The following ADPGK variants were observed in gnomAD, a reference collection of about 807,000 sequenced individuals.
ADPGK encodes the protein ADP dependent glucokinase, also known as ADP-dependent glucokinase.
In ADPGK, 26 loss-of-function variants were observed where a neutral mutation model predicts 42.4. That is an observed-to-expected ratio of 0.61 (90% CI 0.45 to 0.85). The LOEUF (loss-of-function observed/expected upper bound fraction) is 0.85, where lower values mean the gene tolerates loss of function less well. Ranked by LOEUF, ADPGK falls within the 40% of genes least tolerant of loss-of-function variation. ADPGK has a pLI of 0.00. For missense variants in ADPGK, 571 were observed against 627.0 expected, an observed-to-expected ratio of 0.91 and a Z score of 0.95; for synonymous variants, 267 against 252.6, an observed-to-expected ratio of 1.06 and a Z score of -0.54.
intron 2 of ADPGK, 61 bp from the exon 3 acceptor site, chr15:72,771,906 A>G (rs1318033812): frequency 1.5e-5 from 20 of 1,323,422 alleles, no homozygotes; most frequent in Non-Finnish European, 2.0e-5. Context: ...CCCAAGTTTA[A>G]TCATTTTTTA....
In ADPGK at chr15:72,752,551, C is replaced by G. The variant is rs1440808761; in HGVS notation, c.1284G>C (p.Arg428Ser). 4 of 1,614,058 alleles carry G rather than the reference C, an allele frequency of 2.5e-6. No homozygotes were observed. Among genetic ancestry groups the G allele is most frequent in the Non-Finnish European group, 3.4e-6 (4 of 1,180,040 alleles). ...ETIDTSRVSL[R>S]APQEFMTSHS... ...GGGAAGTCATGAACTCTTGGGGTGC[C>G]CTCAGAGACACTCGGCTGGTGTCTA... is the stretch of plus-strand genomic sequence containing the variant. The change falls in exon 7 of 7, where the codon AGG becomes AGC. Residue 428 changes from arginine (R) to serine (S), a missense_variant. This residue lies in a region of ADPGK where 434 missense variants were observed against 522.7 expected (regional missense o/e 0.83). Coordinates refer to ENST00000456471, the MANE Select transcript of ADPGK (RefSeq NM_001365225.1).
At chr15:72,762,898 CACTTGAA>C (rs2066212427) in intron 3 of ADPGK, among the ~76,000 whole-genome samples, 1 of 152,074 alleles carries the variant, frequency 6.6e-6, no homozygotes, top group Non-Finnish European at 1.5e-5. Flanking sequence ...GCAGGAGAAT[CACTTGAA>C]CCTGGGAGGT....
rs1167325195 is a variant in ADPGK at position 72,752,786 on chromosome 15, G to C, written c.1049C>G (p.Pro350Arg). ...HSSLSSWNGV[P>R]DVGMVSDILF... ...GATGTCACTGACCATGCCCACATCA[G>C]GAACACCGTTCCAGGAAGAGAGAGA... The change falls in exon 7 of 7, where the codon CCT (proline) becomes CGT (arginine). Residue 350 changes from proline to arginine, a missense_variant. By Grantham distance (103) the Pro-to-Arg change is moderately radical (BLOSUM62 -2). Coordinates refer to ENST00000456471, the MANE Select transcript of ADPGK (RefSeq NM_001365225.1). 1 of 1,614,206 alleles carries C rather than the reference G, an allele frequency of 6.2e-7. No homozygotes were observed. Among genetic ancestry groups the C allele is most frequent in the Non-Finnish European group, 8.5e-7 (1 of 1,180,048 alleles).
At chr15:72,755,016 TA>T (rs2066093861) in intron 6 of ADPGK, among the ~76,000 whole-genome samples, 1 of 152,192 alleles carries the variant, frequency 6.6e-6, no homozygotes, top group Non-Finnish European at 1.5e-5. Flanking sequence ...TATTACCAAT[TA>T]AAATTAGGTA....
intron 3 of ADPGK, among the ~76,000 whole-genome samples, chr15:72,769,415 G>A (rs763522531): frequency 4.5e-4 from 68 of 152,174 alleles, no homozygotes; most frequent in African/African-American, 1.4e-3. Context: ...GCGCAATCTC[G>A]GCTCACTGCA....
chr15:72,765,421 A>G (rs1262682202), intron 3 of ADPGK, among the ~76,000 whole-genome samples: 1 of 152,240 alleles, frequency 6.6e-6, no homozygotes. Context: ...AAGTGCTGGG[A>G]TTACAGGCGT....
chr15:72,782,619 G>A (rs1045412136), intron 1 of ADPGK, among the ~76,000 whole-genome samples: 1 of 149,926 alleles, frequency 6.7e-6, no homozygotes, highest in African/African-American at 2.5e-5. Context: ...CATGAATGAT[G>A]TCATTTAATC....
chr15:72,762,398 G>T (rs1239246836), intron 3 of ADPGK, among the ~76,000 whole-genome samples: 1 of 152,068 alleles, frequency 6.6e-6, no homozygotes, highest in Non-Finnish European at 1.5e-5. Flanking sequence ...TTGTACAGAG[G>T]TACTTTCGTG....
intron 3 of ADPGK, among the ~76,000 whole-genome samples, chr15:72,763,505 A>C (rs2066221725): frequency 6.6e-6 from 1 of 152,106 alleles, no homozygotes; most frequent in African/African-American, 2.4e-5. Context: ...GATCTAAACA[A>C]AGAAATGAAG....
intron 3 of ADPGK, among the ~76,000 whole-genome samples, chr15:72,768,761 CG>C (rs1377159925): frequency 6.6e-6 from 1 of 151,942 alleles, no homozygotes; most frequent in Non-Finnish European, 1.5e-5. Context: ...CGCTTGAGGT[CG>C]GGAGTTGAGA....
intron 3 of ADPGK, among the ~76,000 whole-genome samples, chr15:72,760,952 T>C (rs1443748383): frequency 1.3e-5 from 2 of 152,174 alleles, no homozygotes; most frequent in Non-Finnish European, 2.9e-5. Context: ...GGTGAGGTCC[T>C]AATCAGATAG....
chr15:72,778,539 GAA>G (rs2066417775), intron 1 of ADPGK, among the ~76,000 whole-genome samples: 1 of 152,052 alleles, frequency 6.6e-6, no homozygotes, highest in Non-Finnish European at 1.5e-5. Flanking sequence ...TGATTTTGGA[GAA>G]AACACAGATG....
intron 3 of ADPGK, among the ~76,000 whole-genome samples, chr15:72,762,116 C>T (rs541923102): frequency 9.9e-5 from 15 of 152,060 alleles, no homozygotes; most frequent in African/African-American, 2.4e-4. Flanking sequence ...GTGATCCACC[C>T]GCCTTGGCCT....
At chr15:72,765,040 A>G (rs1371140068) in intron 3 of ADPGK, among the ~76,000 whole-genome samples, 2 of 152,034 alleles carry the variant, frequency 1.3e-5, no homozygotes, top group African/African-American at 4.8e-5. Flanking sequence ...GCTCATTGAC[A>G]GTATACCTAG....
chr15:72,783,658 A>G lies in ADPGK; in HGVS notation c.34T>C (p.Phe12Leu). ...ACGCAGCCCACGGCCAGCGCCAGGAAGCCCGCGTACGCGGAGCCGCGCCAC... is the reference window on the plus strand; with the variant it reads ...ACGCAGCCCACGGCCAGCGCCAGGAGGCCCGCGTACGCGGAGCCGCGCCAC... The part of the protein sequence containing the change: ...ALWRGSAYAG[F>L]LALAVGCVFL... The change falls in exon 1 of 7, where the codon TTC (phenylalanine) becomes CTC (leucine). Residue 12 changes from phenylalanine (F) to leucine (L), a missense_variant. Phe to Leu is a conservative substitution (Grantham distance 22). Around this residue, in one of 2 missense-constraint regions of ADPGK, gnomAD observed 137 missense variants for 104.2 expected, o/e 1.31. Transcript: ENST00000456471. The G allele has an allele frequency of 6.6e-7, 1 of 1,507,622 alleles. No individual in the cohort carries two copies. Among genetic ancestry groups the G allele is most frequent in the East Asian group, 2.7e-5 (1 of 37,316 alleles). The allele number at this position is 1,507,622 out of a possible 1,614,324, so 93.4% of individuals were successfully genotyped here.
chr15:72,752,872 G>A lies in ADPGK; in HGVS notation c.963C>T (p.Ser321=), dbSNP rs374396804. 1.9e-6 allele frequency: 3 copies of A among 1,613,276 alleles called. No individual in the cohort carries two copies. Among genetic ancestry groups the A allele is most frequent in the East Asian group, 2.2e-5 (1 of 44,888 alleles). ...ACAGCTCCTGTTCATTCAGCCCAAG[G>A]GAAGTCACCGCGGGAAAGACCTGCT... ...VHQQVFPAVT[S]LGLNEQELLF... is the part of the protein sequence containing the mutation. Residue 321 remains serine (S), a synonymous_variant, in exon 7 of 7, where the codon TCC becomes TCT. Transcript: ENST00000456471.
chr15:72,760,521 G>A lies in ADPGK; in HGVS notation c.529C>T (p.Leu177Phe). 6.2e-7 allele frequency: 1 copy of A among 1,600,256 alleles called. No homozygotes were observed. The highest frequency in any genetic ancestry group is 8.6e-7 in the Non-Finnish European group (1 of 1,169,378). The part of the protein sequence containing the change: ...FAANSDLKVL[L>F]CGPVGPKLHE... ...AGCTTTGGACCAACTGGACCGCAAAGAAGAACCTGGAGGCAAGCAACACGA... is the reference window on the plus strand; with the variant it reads ...AGCTTTGGACCAACTGGACCGCAAAAAAGAACCTGGAGGCAAGCAACACGA... Residue 177 changes from leucine to phenylalanine, a missense_variant, in exon 4 of 7, where the codon CTT becomes TTT. Transcript: ENST00000456471.
At chr15:72,779,363 C>T (rs1566965546) in intron 1 of ADPGK, among the ~76,000 whole-genome samples, 1 of 151,654 alleles carries the variant, frequency 6.6e-6, no homozygotes, top group Non-Finnish European at 1.5e-5. Context: ...ATTCTCCTGC[C>T]TCAGCCTCCT....
At chr15:72,767,731 T>C (rs968044454) in intron 3 of ADPGK, among the ~76,000 whole-genome samples, 3 of 152,158 alleles carry the variant, frequency 2.0e-5, no homozygotes, top group Non-Finnish European at 4.4e-5. Flanking sequence ...CACATCTCAA[T>C]AAATCAAAGG....
Sources: gnomAD v4.1 joint callset for allele counts (sites outside exome capture counted in the v4.1 genomes callset) on GRCh38, gnomAD v4.1.1 for gene constraint, gnomAD v4.1.1 regional missense constraint, MANE v1.5 for transcripts, NCBI Gene and HGNC (gene_info 2026-07-23, HGNC 2026-07-21) for gene names.